The following NAALADL2 variants were observed in gnomAD, a reference collection of about 807,000 sequenced individuals.
NAALADL2 encodes N-acetylated alpha-linked acidic dipeptidase like 2.
Under a neutral mutation model 87.2 loss-of-function variants are expected in NAALADL2, and 76 were observed. The observed-to-expected ratio is 0.87, with a 90% confidence interval of 0.72 to 1.05. NAALADL2 has a LOEUF of 1.05. Ranked by LOEUF, NAALADL2 falls within the 50% of genes least tolerant of loss-of-function variation. The pLI is 0.00. For synonymous variants in NAALADL2, 354 were observed against 331.0 expected, an observed-to-expected ratio of 1.07 and a Z score of -0.75; for missense variants, 1,089 against 945.8, an observed-to-expected ratio of 1.15 and a Z score of -1.99.
intron 9 of NAALADL2, among the ~76,000 whole-genome samples, chr3:175,504,569 CT>C (rs1730012775): frequency 8.3e-4 from 2 of 2,404 alleles, no homozygotes; most frequent in Non-Finnish European, 1.2e-3. Flanking sequence ...CTCTGTTTCT[CT>C]CTCTCTCTCT....
At chr3:175,749,185 A>G (rs559860288) in intron 12 of NAALADL2, among the ~76,000 whole-genome samples, 19 of 37,298 alleles carry the variant, frequency 5.1e-4, no homozygotes, top group African/African-American at 8.7e-4. Flanking sequence ...GAGAAGGGAG[A>G]GGAGGGGAAG....
intron 2 of NAALADL2, among the ~76,000 whole-genome samples, chr3:174,671,172 G>T (rs570677428): frequency 1.3e-5 from 2 of 151,958 alleles, no homozygotes; most frequent in Non-Finnish European, 2.9e-5. Context: ...CCAGTCTCAG[G>T]TATTTCCTGA....
intron 5 of NAALADL2, among the ~76,000 whole-genome samples, chr3:175,339,936 TAA>T (rs1279955660): frequency 5.9e-5 from 9 of 152,192 alleles, no homozygotes; most frequent in Non-Finnish European, 8.8e-5. Flanking sequence ...TACCATTTTC[TAA>T]AAGAGATATA....
chr3:175,457,675 T>C (rs1581966674), intron 6 of NAALADL2, among the ~76,000 whole-genome samples: 2 of 145,776 alleles, frequency 1.4e-5, no homozygotes, highest in East Asian at 2.1e-4. Flanking sequence ...TGCACCACCA[T>C]GTCTGGCTAA....
intron 3 of NAALADL2, among the ~76,000 whole-genome samples, chr3:174,843,951 A>G (rs567050362): frequency 6.6e-6 from 1 of 152,246 alleles, no homozygotes; most frequent in African/African-American, 2.4e-5. Flanking sequence ...GAAGTTTGCT[A>G]ATATTTTCTC....
In NAALADL2 at chr3:175,552,538, A is replaced by T. The variant is rs80157403; in HGVS notation, c.1654-23503A>T. Among the ~76,000 whole-genome samples, 808 of 152,280 alleles carry T rather than the reference A, an allele frequency of 5.3e-3. 20 individuals are homozygous for T. Among genetic ancestry groups the T allele is most frequent in the Admixed American group, 0.035 (529 of 15,292 alleles). ...ATTACCAAGATTTACCATATTATGTAGTTGTCAAAATCTGAATGTTTCTTT... is the reference window on the plus strand; with the variant it reads ...ATTACCAAGATTTACCATATTATGTTGTTGTCAAAATCTGAATGTTTCTTT... On this transcript the variant is annotated intron_variant, in intron 9 of 13. Coordinates refer to ENST00000454872, the MANE Select transcript of NAALADL2 (RefSeq NM_207015.3).
chr3:174,768,658 G>A (rs966421892), intron 3 of NAALADL2, among the ~76,000 whole-genome samples: 1 of 152,090 alleles, frequency 6.6e-6, no homozygotes, highest in Non-Finnish European at 1.5e-5. Flanking sequence ...GACATGAGCA[G>A]ATTATAAAAT....
In NAALADL2 at chr3:174,781,344, A is replaced by G. The variant is rs776136365; in HGVS notation, c.-9+43598A>G. ...TTGGCCTGTCTTGCTAGATGGGGGA[A>G]GTTCTCCTGGATAATATCCTGAAGA... On this transcript the variant is annotated intron_variant, in intron 3 of 3. Coordinates refer to the NAALADL2 transcript ENST00000434257. 3.1e-4 allele frequency among the ~76,000 whole-genome samples: 47 copies of G among 151,728 alleles called. 1 individual carries two copies. The highest frequency in any genetic ancestry group is 5.0e-4 in the Non-Finnish European group (34 of 67,952).
At chr3:174,951,933 C>T (rs780596014) in intron 1 of NAALADL2, among the ~76,000 whole-genome samples, 1 of 152,068 alleles carries the variant, frequency 6.6e-6, no homozygotes, top group Non-Finnish European at 1.5e-5. Flanking sequence ...GCATACCAAG[C>T]TCTTCAGTTT....
chr3:175,048,128 G>T (rs894359219), intron 1 of NAALADL2, among the ~76,000 whole-genome samples: 1 of 152,086 alleles, frequency 6.6e-6, no homozygotes, highest in African/African-American at 2.4e-5. Context: ...GTAATTGAAA[G>T]CTACATTTTT....
At chr3:174,945,156 T>C (rs913188812) in intron 1 of NAALADL2, among the ~76,000 whole-genome samples, 2 of 152,184 alleles carry the variant, frequency 1.3e-5, no homozygotes, top group Non-Finnish European at 2.9e-5. Flanking sequence ...TTTCTCCATT[T>C]GTGGAAAAAG....
chr3:174,705,315 G>A (rs1729950453), intron 2 of NAALADL2, among the ~76,000 whole-genome samples: 1 of 152,156 alleles, frequency 6.6e-6, no homozygotes, highest in Admixed American at 6.5e-5. Flanking sequence ...GCCCCAGTAA[G>A]AATCAGTTTT....
intron 12 of NAALADL2, among the ~76,000 whole-genome samples, chr3:175,749,276 T>C (rs938549144): frequency 6.6e-6 from 1 of 150,864 alleles, no homozygotes; most frequent in Non-Finnish European, 1.5e-5. Context: ...GTTTTAAATT[T>C]TTCCAGGAGA....
At chr3:175,462,627 G>C (rs974477559) in intron 6 of NAALADL2, among the ~76,000 whole-genome samples, 1 of 152,106 alleles carries the variant, frequency 6.6e-6, no homozygotes, top group Admixed American at 6.6e-5. Flanking sequence ...AAACTTTAAA[G>C]ATCCTGTGAA....
At chr3:174,842,284 C>T (rs1407792532) in intron 3 of NAALADL2, among the ~76,000 whole-genome samples, 1 of 152,120 alleles carries the variant, frequency 6.6e-6, no homozygotes. Context: ...CTCCTGGCCT[C>T]AGGTGATCCA....
chr3:175,044,528 A>C (rs1754449276), intron 1 of NAALADL2, among the ~76,000 whole-genome samples: 1 of 152,164 alleles, frequency 6.6e-6, no homozygotes, highest in East Asian at 1.9e-4. Flanking sequence ...ACTATTAATC[A>C]TAAAAGTTTT....
At chr3:175,106,224 G>A (rs1463902543) in intron 2 of NAALADL2, among the ~76,000 whole-genome samples, 1 of 120,580 alleles carries the variant, frequency 8.3e-6, no homozygotes, top group Non-Finnish European at 1.8e-5. Flanking sequence ...TAAAGCATCA[G>A]GACTAAGTTA....
At chr3:174,642,646 C>G (rs1352069120) in intron 2 of NAALADL2, among the ~76,000 whole-genome samples, 1 of 151,218 alleles carries the variant, frequency 6.6e-6, no homozygotes, top group African/African-American at 2.4e-5. Context: ...CTAATAAGAA[C>G]CATTGTCAGA....
At chr3:174,511,092 T>A (rs1719572096) in intron 1 of NAALADL2, among the ~76,000 whole-genome samples, 1 of 151,988 alleles carries the variant, frequency 6.6e-6, no homozygotes, top group African/African-American at 2.4e-5. Context: ...TTTATTAAGA[T>A]TTTTTTATGA....
Sources: allele counts gnomAD v4.1 joint callset (sites outside exome capture counted in the v4.1 genomes callset), GRCh38; gene constraint gnomAD v4.1.1; transcripts MANE v1.5; gene names NCBI Gene and HGNC (gene_info 2026-07-23, HGNC 2026-07-21).